Variants in DPYD observed in about 807,000 individuals in gnomAD.
The protein encoded by DPYD is dihydropyrimidine dehydrogenase.
DPYD carries 109 observed loss-of-function variants against 116.2 expected under a neutral mutation model. The ratio of observed to expected loss-of-function variants is 0.94; its 90% CI spans 0.80 to 1.10. The LOEUF (loss-of-function observed/expected upper bound fraction) is 1.10. DPYD is among the 50% of genes least tolerant of loss of function. DPYD has a pLI of 0.00. For synonymous variants in DPYD, 440 were observed against 432.0 expected (o/e 1.02, Z -0.23); for missense variants, 1,302 against 1,254.5 (o/e 1.04, Z -0.57).
intron 22 of DPYD, 99 bp from the exon 23 acceptor site, chr1:97,079,245 A>T: frequency 7.9e-7 from 1 of 1,260,990 alleles, no homozygotes; most frequent in East Asian, 2.3e-5. Context: ...GAGGAGCCAC[A>T]CTATGAGACA....
At chr1:97,774,200 T>G (rs1376910154) in intron 3 of DPYD, among the ~76,000 whole-genome samples, 1 of 152,162 alleles carries the variant, frequency 6.6e-6, no homozygotes, top group Admixed American at 6.5e-5. Flanking sequence ...CTGTTTTACC[T>G]GGGGCTCATC....
At chr1:97,864,530 T>C (rs552365176) in intron 2 of DPYD, among the ~76,000 whole-genome samples, 4 of 151,584 alleles carry the variant, frequency 2.6e-5, no homozygotes, top group East Asian at 3.9e-4. Flanking sequence ...TCTCTCTCTC[T>C]CCCCTCCTCC....
chr1:97,647,286 T>G (rs1393527996), intron 8 of DPYD, among the ~76,000 whole-genome samples: 1 of 152,072 alleles, frequency 6.6e-6, no homozygotes, highest in Non-Finnish European at 1.5e-5. Flanking sequence ...ATTTTAACAT[T>G]TATACATTTT....
At chr1:97,236,106 T>C (rs1391534392) in intron 18 of DPYD, among the ~76,000 whole-genome samples, 3 of 152,214 alleles carry the variant, frequency 2.0e-5, no homozygotes, top group African/African-American at 7.2e-5. Flanking sequence ...GCTTTCATAA[T>C]AAAGGAATAT....
At chr1:97,818,839 T>C (rs1173652556) in intron 3 of DPYD, among the ~76,000 whole-genome samples, 1 of 151,900 alleles carries the variant, frequency 6.6e-6, no homozygotes, top group Non-Finnish European at 1.5e-5. Context: ...AAACTAATTA[T>C]ATAAATTACC....
rs556845323 is a variant in DPYD, at chr1:97,681,883, T to C, written c.763-2701A>G. Among the ~76,000 whole-genome samples, 46 of 152,260 alleles carry C rather than the reference T, an allele frequency of 3.0e-4. 1 individual carries two copies. The highest frequency in any genetic ancestry group is 1.1e-3 in the African/African-American group (45 of 41,566). ...TTCAAAGTTGAGCACTGGAATGCCA[T>C]GCCAATGAATTAATTGGTGGAGGTG... is the stretch of plus-strand genomic sequence containing the variant. On this transcript the variant is annotated intron_variant, in intron 7 of 22. Transcript: ENST00000370192.
intron 20 of DPYD, among the ~76,000 whole-genome samples, chr1:97,152,994 A>AT (rs1557896449): frequency 6.6e-6 from 1 of 152,180 alleles, no homozygotes; most frequent in African/African-American, 2.4e-5. Flanking sequence ...AGAGGAGTTC[A>AT]TTTTTTTAAA....
chr1:97,350,946 T>C (rs540600920), intron 16 of DPYD, among the ~76,000 whole-genome samples: 6 of 152,120 alleles, frequency 3.9e-5, no homozygotes, highest in South Asian at 2.1e-4. Context: ...GGTGAACTTA[T>C]AGAAAAGCCA....
chr1:97,740,341 A>G (rs767428924), intron 4 of DPYD, 51 bp downstream of exon 4: 17 of 1,466,120 alleles, frequency 1.2e-5, no homozygotes, highest in Non-Finnish European at 1.5e-5. Flanking sequence ...GATAATAGAG[A>G]ACAAGATCAA....
intron 2 of DPYD, among the ~76,000 whole-genome samples, chr1:97,854,142 CT>C (rs1326639888): frequency 9.2e-5 from 14 of 152,106 alleles, no homozygotes; most frequent in African/African-American, 3.4e-4. Flanking sequence ...AATTGTTTGC[CT>C]TTTTTTCTTG....
chr1:97,408,518 G>C (rs4497251), intron 14 of DPYD, among the ~76,000 whole-genome samples: 15,347 of 152,102 alleles, frequency 0.1, 825 homozygotes, highest in African/African-American at 0.13. Context: ...AAGAATAGCT[G>C]TGTAATTATG....
At chr1:97,291,330 T>C (rs1236134360) in intron 18 of DPYD, among the ~76,000 whole-genome samples, 1 of 152,036 alleles carries the variant, frequency 6.6e-6, no homozygotes, top group Non-Finnish European at 1.5e-5. Flanking sequence ...AGCCATCCCA[T>C]TACTGGGTAT....
chr1:97,410,581 T>TA (rs1325601627), intron 14 of DPYD, among the ~76,000 whole-genome samples: 3 of 152,154 alleles, frequency 2.0e-5, no homozygotes, highest in African/African-American at 7.2e-5. Context: ...GATAAGACTT[T>TA]AAAAAATATG....
intron 19 of DPYD, among the ~76,000 whole-genome samples, chr1:97,207,780 T>C (rs1659744281): frequency 6.6e-6 from 1 of 152,122 alleles, no homozygotes. Context: ...CTAGACTCTC[T>C]TATCTAATTT....
intron 20 of DPYD, among the ~76,000 whole-genome samples, chr1:97,125,948 G>T (rs577871958): frequency 4.6e-5 from 7 of 152,164 alleles, no homozygotes; most frequent in Non-Finnish European, 7.4e-5. Context: ...AGTTTAAAAT[G>T]GTTAATTCGG....
intron 14 of DPYD, among the ~76,000 whole-genome samples, chr1:97,386,256 C>A (rs548410160): frequency 1.0e-4 from 15 of 149,710 alleles, no homozygotes; most frequent in South Asian, 2.1e-4. Flanking sequence ...CTATCAAAAT[C>A]CCTCAGTGGA....
At chr1:97,426,428 G>T (rs1307243016) in intron 14 of DPYD, among the ~76,000 whole-genome samples, 3 of 152,086 alleles carry the variant, frequency 2.0e-5, no homozygotes, top group Non-Finnish European at 4.4e-5. Context: ...GAATATTTGG[G>T]GGTAAGGAGG....
intron 17 of DPYD, among the ~76,000 whole-genome samples, 163 bp downstream of exon 17, chr1:97,306,014 T>C (rs1262368357): frequency 6.6e-6 from 1 of 151,912 alleles, no homozygotes; most frequent in Admixed American, 6.6e-5. Context: ...TGAGTCCAGG[T>C]GTAAATCTCC....
At chr1:97,099,438 G>A (rs1439929189) in intron 20 of DPYD, among the ~76,000 whole-genome samples, 2 of 151,974 alleles carry the variant, frequency 1.3e-5, no homozygotes, top group Non-Finnish European at 2.9e-5. Context: ...AAGTTAACAC[G>A]AAAATGCCCT....
Sources: allele counts gnomAD v4.1 joint callset (sites outside exome capture counted in the v4.1 genomes callset), GRCh38; gene constraint gnomAD v4.1.1; transcripts MANE v1.5; gene names NCBI Gene and HGNC (gene_info 2026-07-23, HGNC 2026-07-21).